Variants in HNRNPLL observed in about 807,000 individuals in gnomAD.
HNRNPLL encodes heterogeneous nuclear ribonucleoprotein L-like.
Under a neutral mutation model 67.1 loss-of-function variants are expected in HNRNPLL, and 25 were observed. The ratio of observed to expected loss-of-function variants is 0.37; its 90% CI spans 0.27 to 0.52. HNRNPLL has a LOEUF of 0.52. Among genes scored for constraint, HNRNPLL ranks in the 20% least tolerant of loss-of-function variants. HNRNPLL has a pLI of 0.90. For synonymous variants in HNRNPLL, 267 were observed against 241.7 expected, an observed-to-expected ratio of 1.10 and a Z score of -0.97; for missense variants, 542 against 673.9, an observed-to-expected ratio of 0.80 and a Z score of 2.17.
intron 6 of HNRNPLL, among the ~76,000 whole-genome samples, chr2:38,579,731 A>G (rs902717106): frequency 2.1e-5 from 3 of 144,990 alleles, no homozygotes; most frequent in African/African-American, 8.2e-5. Context: ...ATGTTTTTAA[A>G]AAAGTTTTTA....
chr2:38,569,766 ATATT>A, intron 9 of HNRNPLL, 34 bp downstream of exon 9: 1 of 1,118,466 alleles, frequency 8.9e-7, no homozygotes, highest in Non-Finnish European at 1.3e-6. Flanking sequence ...AGATTTTTAA[ATATT>A]TTTTAAAATT....
Position 38,564,163 on chromosome 2 carries a change from C to A in HNRNPLL, c.*19G>T. On this transcript the variant is annotated 3_prime_UTR_variant, in exon 13 of 13. Coordinates refer to ENST00000449105, the MANE Select transcript of HNRNPLL (RefSeq NM_138394.4). ...ATTGTAATAAAGGTGAACATAAATTCTAACATGCTCTTCTCTTCTTATAAA... is the reference window on the plus strand; with the variant it reads ...ATTGTAATAAAGGTGAACATAAATTATAACATGCTCTTCTCTTCTTATAAA... The A allele has an allele frequency of 1.4e-6, 2 of 1,429,324 alleles. No homozygotes were observed. The highest frequency in any genetic ancestry group is 1.2e-5 in the South Asian group (1 of 86,562). The allele number at this position is 1,429,324 out of a possible 1,614,324, so 88.5% of individuals were successfully genotyped here.
rs560291882 is a variant in HNRNPLL at position 38,582,725 on chromosome 2, G to A, written c.633-557C>T. Among the ~76,000 whole-genome samples, 12 of 152,190 alleles carry A rather than the reference G, an allele frequency of 7.9e-5. No homozygotes were observed. In the South Asian group the frequency reaches 2.5e-3, roughly 32 times the overall value. On this transcript the variant is annotated intron_variant, in intron 4 of 12. Coordinates refer to ENST00000449105, the MANE Select transcript of HNRNPLL (RefSeq NM_138394.4). ...GCCTGAGCTCAGGAGTTCGAGACCA[G>A]CCTGGCCAACATGGTGAAGCCCCAT...
At position 38,564,220 on chromosome 2, in the gene HNRNPLL, T is replaced by C. The variant is rs780137207; in HGVS notation, c.1591A>G (p.Thr531Ala). ...GATGTAGAAAAGCAAAGCTTCAATG[T>C]ATAGGGATTGGAACCATCTGTAAAA... ...IRVPNGSNPY[T>A]LKLCFSTSSH... The change falls in exon 13 of 13, where the codon ACA becomes GCA. Residue 531 changes from threonine (T) to alanine (A), a missense_variant. Around this residue, in one of 2 missense-constraint regions of HNRNPLL, gnomAD observed 415 missense variants for 575.2 expected, o/e 0.72. Coordinates refer to ENST00000449105, the MANE Select transcript of HNRNPLL (RefSeq NM_138394.4). The C allele has an allele frequency of 1.3e-6, 2 of 1,563,238 alleles. No individual in the cohort carries two copies. Among genetic ancestry groups the C allele is most frequent in the African/African-American group, 1.4e-5 (1 of 73,862 alleles).
intron 2 of HNRNPLL, among the ~76,000 whole-genome samples, chr2:38,588,066 C>T (rs550970647): frequency 3.3e-5 from 5 of 152,156 alleles, no homozygotes; most frequent in African/African-American, 1.2e-4. Context: ...CTGAGGCCAC[C>T]CCAGAAGCAG....
In HNRNPLL at chr2:38,602,731, G is replaced by T. The variant is rs754518286; in HGVS notation, c.-105C>A. On this transcript the variant is annotated 5_prime_UTR_variant, in exon 1 of 13. Coordinates refer to ENST00000449105, the MANE Select transcript of HNRNPLL (RefSeq NM_138394.4). Reference sequence around the variant, plus strand: ...TCGCCGCCGGCAGCGCCTCTTCTGCGAGGGTCTCCGCGGCCCGGCCGTCCG... The same window carrying T: ...TCGCCGCCGGCAGCGCCTCTTCTGCTAGGGTCTCCGCGGCCCGGCCGTCCG... The T allele has an allele frequency of 6.7e-7, 1 of 1,485,586 alleles. No individual in the cohort carries two copies. Among genetic ancestry groups the T allele is most frequent in the South Asian group, 1.3e-5 (1 of 76,444 alleles). 92.0% of individuals were successfully genotyped at this position (1,485,586 alleles called of 1,614,324 possible). A position where few individuals can be genotyped will look rare whatever the true frequency, so the allele number is the denominator to read the frequency against.
rs781098678 is a variant in HNRNPLL, at chr2:38,577,513, C to G, written c.822G>C (p.Gln274His). The change falls in exon 7 of 13, where the codon CAG (glutamine) becomes CAC (histidine). Residue 274 changes from glutamine to histidine, a missense_variant. Physicochemically the swap from Gln to His is conservative, Grantham distance 24. Transcript: ENST00000449105. ...GGTGTTCTCCCAAAATGGCTTGTCT[C>G]TGGCGACCCTTTCCTCTATCTGACA... ...LGRRDRGKGR[Q>H]RQAILGEHPS... 6.2e-7 allele frequency: 1 copy of G among 1,609,510 alleles called. No individual in the cohort carries two copies. Among genetic ancestry groups the G allele is most frequent in the Non-Finnish European group, 8.5e-7 (1 of 1,176,012 alleles).
rs1226453557 is a variant in HNRNPLL at position 38,602,736 on chromosome 2, TCTCCGCGGCCCGGCCGTCCGCGGGGA to T, written c.-136_-111del. 6.7e-6 allele frequency: 10 copies of T among 1,490,688 alleles called. No individual in the cohort carries two copies. The highest frequency in any genetic ancestry group is 8.0e-6 in the Non-Finnish European group (9 of 1,119,702). The allele number at this position is 1,490,688 out of a possible 1,614,324, so 92.3% of individuals were successfully genotyped here. ...GCCGGCAGCGCCTCTTCTGCGAGGG[TCTCCGCGGCCCGGCCGTCCGCGGGGA>T]CTGCGCGGCCAGGAGACTGGCGGCT... is the stretch of plus-strand genomic sequence containing the variant. On this transcript the variant is annotated 5_prime_UTR_variant, in exon 1 of 13. Coordinates refer to ENST00000449105, the MANE Select transcript of HNRNPLL (RefSeq NM_138394.4).
chr2:38,600,723 C>T (rs1667399028), intron 1 of HNRNPLL, among the ~76,000 whole-genome samples: 1 of 151,436 alleles, frequency 6.6e-6, no homozygotes, highest in Non-Finnish European at 1.5e-5. Flanking sequence ...TGCACTCCAG[C>T]CCCGGGCCAT....
At chr2:38,595,333 A>C (rs1363604037) in intron 1 of HNRNPLL, among the ~76,000 whole-genome samples, 1 of 151,010 alleles carries the variant, frequency 6.6e-6, no homozygotes, top group Non-Finnish European at 1.5e-5. Context: ...AATTGATCAC[A>C]TCTCTTCTTA....
intron 6 of HNRNPLL, 94 bp from the exon 7 acceptor site, chr2:38,577,626 C>A (rs1419051699): frequency 1.3e-6 from 1 of 748,966 alleles, no homozygotes; most frequent in Non-Finnish European, 2.4e-6. Context: ...ACATCCAATA[C>A]AACAATTCAT....
At chr2:38,572,651 C>G (rs1322872481) in intron 8 of HNRNPLL, among the ~76,000 whole-genome samples, 1 of 151,960 alleles carries the variant, frequency 6.6e-6, no homozygotes. Context: ...TATTAAAGAC[C>G]TTCAAAATAT....
chr2:38,566,110 T>C, intron 12 of HNRNPLL: 1 of 987,498 alleles, frequency 1.0e-6, no homozygotes, highest in Non-Finnish European at 1.2e-6. Context: ...TTCTCACGCC[T>C]GTAATCCCAG....
chr2:38,574,559 T>C (rs1317135503), intron 7 of HNRNPLL, among the ~76,000 whole-genome samples: 1 of 151,822 alleles, frequency 6.6e-6, no homozygotes, highest in African/African-American at 2.4e-5. Flanking sequence ...CTAAGTGAGT[T>C]ACTAAGAACT....
At chr2:38,583,745 G>T in intron 4 of HNRNPLL, 96 bp downstream of exon 4, 1 of 521,086 alleles carries the variant, frequency 1.9e-6, no homozygotes, top group Non-Finnish European at 3.4e-6. Context: ...TTTGTGAGAG[G>T]ACAAAGTAAA....
chr2:38,599,848 T>C, intron 1 of HNRNPLL: 1 of 469,378 alleles, frequency 2.1e-6, no homozygotes, highest in Non-Finnish European at 4.4e-6. Context: ...TACTTTGCAC[T>C]TTACAAACTT....
In HNRNPLL at chr2:38,583,922, A is replaced by G. The variant is rs1296776902; in HGVS notation, c.551T>C (p.Val184Ala). The G allele has an allele frequency of 4.9e-6, 7 of 1,414,518 alleles. No individual in the cohort carries two copies. The highest frequency in any genetic ancestry group is 6.8e-6 in the Non-Finnish European group (7 of 1,033,064). The allele number at this position is 1,414,518 out of a possible 1,614,324, so 87.6% of individuals were successfully genotyped here. Residue 184 changes from valine to alanine, a missense_variant, in exon 4 of 13, where the codon GTT (valine) becomes GCT (alanine). Around this residue, in one of 2 missense-constraint regions of HNRNPLL, gnomAD observed 415 missense variants for 575.2 expected, o/e 0.72. Coordinates refer to ENST00000449105, the MANE Select transcript of HNRNPLL (RefSeq NM_138394.4). Reference sequence around the variant, plus strand: ...AACAGGGTTGCATACAGTATATAAAACATCCTATGAAGGAAAAGAAAAAGA... The same window carrying G: ...AACAGGGTTGCATACAGTATATAAAGCATCCTATGAAGGAAAAGAAAAAGA... Reference protein sequence around the residue: ...QNPLYPITVDVLYTVCNPVGK... With the variant: ...QNPLYPITVDALYTVCNPVGK...
chr2:38,598,872 T>A (rs1667313367), intron 1 of HNRNPLL, among the ~76,000 whole-genome samples: 1 of 152,210 alleles, frequency 6.6e-6, no homozygotes, highest in Non-Finnish European at 1.5e-5. Context: ...TAGAACAGCT[T>A]CGCTGGAGGA....
chr2:38,577,781 A>T, intron 6 of HNRNPLL: 1 of 502,008 alleles, frequency 2.0e-6, no homozygotes, highest in Admixed American at 3.2e-5. Flanking sequence ...ATACAATCAC[A>T]CTTTCAAATT....
Sources: gnomAD v4.1 joint callset for allele counts (sites outside exome capture counted in the v4.1 genomes callset) on GRCh38, gnomAD v4.1.1 for gene constraint, gnomAD v4.1.1 regional missense constraint, MANE v1.5 for transcripts, NCBI Gene and HGNC (gene_info 2026-07-23, HGNC 2026-07-21) for gene names.